Variants in SPATA13 observed in about 807,000 individuals in gnomAD.
The protein encoded by SPATA13 is spermatogenesis associated 13, also known as spermatogenesis-associated protein 13.
Under a neutral mutation model 104.0 loss-of-function variants are expected in SPATA13, and 50 were observed. The observed-to-expected ratio is 0.48, with a 90% CI of 0.38 to 0.61. The LOEUF is 0.61. Ranked by LOEUF, SPATA13 falls within the 20% of genes least tolerant of loss-of-function variation. The pLI is 0.00. For synonymous variants in SPATA13, 606 were observed against 667.5 expected, an observed-to-expected ratio of 0.91 and a Z score of 1.42; for missense variants, 1,524 against 1,690.6, an observed-to-expected ratio of 0.90 and a Z score of 1.73.
At chr13:23,997,647 C>G (rs777247803) in intron 2 of SPATA13, among the ~76,000 whole-genome samples, 5 of 152,104 alleles carry the variant, frequency 3.3e-5, no homozygotes, top group African/African-American at 4.8e-5. Context: ...ATCAGACCCG[C>G]ATCTGCTTCT....
intron 4 of SPATA13, among the ~76,000 whole-genome samples, chr13:24,261,185 G>A (rs1169288670): frequency 3.3e-5 from 5 of 152,300 alleles, no homozygotes; most frequent in South Asian, 4.1e-4. Flanking sequence ...TGGAGACCTC[G>A]GGAGTCTGTT....
At chr13:24,068,061 A>G (rs959849356) in intron 3 of SPATA13, among the ~76,000 whole-genome samples, 1 of 152,170 alleles carries the variant, frequency 6.6e-6, no homozygotes, top group Non-Finnish European at 1.5e-5. Flanking sequence ...TTAGATAGGT[A>G]AACTTGTATC....
intron 2 of SPATA13, among the ~76,000 whole-genome samples, chr13:23,998,520 C>T (rs558294566): frequency 6.6e-6 from 1 of 152,290 alleles, no homozygotes; most frequent in East Asian, 1.9e-4. Flanking sequence ...CTGACTGTGG[C>T]TTATCATTTA....
intron 4 of SPATA13, among the ~76,000 whole-genome samples, chr13:24,283,072 CTG>C (rs1875668351): frequency 6.6e-6 from 1 of 152,198 alleles, no homozygotes; most frequent in Non-Finnish European, 1.5e-5. Flanking sequence ...TGCAGGGAGT[CTG>C]TGGAGCATGT....
chr13:24,057,243 C>T (rs1248992772), intron 3 of SPATA13, among the ~76,000 whole-genome samples: 3 of 151,580 alleles, frequency 2.0e-5, no homozygotes, highest in Non-Finnish European at 2.9e-5. Context: ...CCCCCCAACC[C>T]CACAACAGTC....
At chr13:24,141,038 G>A (rs1881745618) in intron 3 of SPATA13, among the ~76,000 whole-genome samples, 1 of 152,064 alleles carries the variant, frequency 6.6e-6, no homozygotes, top group Non-Finnish European at 1.5e-5. Flanking sequence ...AGCCAGGCAT[G>A]GTAGCGAGCA....
At chr13:24,217,885 A>T (rs1267928732) in intron 1 of SPATA13, among the ~76,000 whole-genome samples, 1 of 152,134 alleles carries the variant, frequency 6.6e-6, no homozygotes, top group Non-Finnish European at 1.5e-5. Flanking sequence ...CCAACCCTCA[A>T]GTCACCTCCC....
At chr13:24,149,456 T>G (rs1383519706) in intron 3 of SPATA13, among the ~76,000 whole-genome samples, 1 of 152,202 alleles carries the variant, frequency 6.6e-6, no homozygotes, top group Middle Eastern at 3.2e-3. Context: ...GGACCTTCCC[T>G]TTCTGTTGGT....
chr13:24,294,187 C>T (rs73455745), intron 9 of SPATA13, among the ~76,000 whole-genome samples: 218 of 152,264 alleles, frequency 1.4e-3, no homozygotes, highest in African/African-American at 5.0e-3. Flanking sequence ...CTGTGGTGGA[C>T]GGAAAGCACC....
chr13:24,096,570 A>G (rs1880093060), intron 3 of SPATA13, among the ~76,000 whole-genome samples: 1 of 152,224 alleles, frequency 6.6e-6, no homozygotes, highest in Admixed American at 6.5e-5. Context: ...CAGCCTGGGC[A>G]GCAGAGTGAG....
chr13:24,074,944 G>T (rs1269134270), intron 3 of SPATA13, among the ~76,000 whole-genome samples: 2 of 131,062 alleles, frequency 1.5e-5, no homozygotes, highest in African/African-American at 5.7e-5. Flanking sequence ...ACAGTTGGCT[G>T]CCTGTGATTG....
At chr13:24,133,825 G>A (rs1246391313) in intron 3 of SPATA13, among the ~76,000 whole-genome samples, 1 of 152,176 alleles carries the variant, frequency 6.6e-6, no homozygotes, top group East Asian at 1.9e-4. Context: ...AGGGGCAAGG[G>A]GACAGGGCAA....
chr13:24,039,370 T>C (rs1566081961), intron 3 of SPATA13, among the ~76,000 whole-genome samples: 1 of 152,186 alleles, frequency 6.6e-6, no homozygotes, highest in Non-Finnish European at 1.5e-5. Context: ...ATGGACATGG[T>C]AGGGAGAGCC....
rs1176690279 is a variant in SPATA13, at chr13:24,190,260, C to T, written c.-112+29328C>T. Among the ~76,000 whole-genome samples the T allele has an allele frequency of 3.3e-3, 11 of 3,332 alleles. 2 individuals carry two copies. Among genetic ancestry groups the T allele is most frequent in the Non-Finnish European group, 0.022 (2 of 92 alleles). The allele number at this position is 3,332 out of a possible 152,430, so 2.2% of individuals were successfully genotyped here. A position where few individuals can be genotyped will look rare whatever the true frequency, so the allele number is the denominator to read the frequency against. ...TATATAACATATCATATATAATATA[C>T]ATAATATATATTATTATATATAATA... On this transcript the variant is annotated intron_variant, in intron 1 of 12. Transcript: ENST00000382108.
At chr13:24,135,336 C>T (rs962694709) in intron 3 of SPATA13, among the ~76,000 whole-genome samples, 21 of 152,074 alleles carry the variant, frequency 1.4e-4, no homozygotes, top group African/African-American at 4.8e-4. Flanking sequence ...AGCTGGGTAT[C>T]CTCTAAAATC....
intron 1 of SPATA13, among the ~76,000 whole-genome samples, chr13:24,201,587 C>T (rs773996735): frequency 1.3e-4 from 20 of 152,186 alleles, no homozygotes; most frequent in Non-Finnish European, 2.4e-4. Context: ...ATTACAGGTG[C>T]GTGCCACCAC....
intron 2 of SPATA13, among the ~76,000 whole-genome samples, chr13:24,243,825 G>A (rs775845103): frequency 6.6e-6 from 1 of 152,166 alleles, no homozygotes; most frequent in Non-Finnish European, 1.5e-5. Flanking sequence ...AGAAAACTGG[G>A]GGGTTAGCTT....
chr13:24,222,675 A>C (rs1014303514), intron 1 of SPATA13, 144 bp from the exon 2 acceptor site: 8 of 638,166 alleles, frequency 1.3e-5, no homozygotes, highest in Non-Finnish European at 2.1e-5. Context: ...TATGAAGTGA[A>C]TGGAGGGGAA....
At chr13:24,103,441 C>T (rs1168568664) in intron 3 of SPATA13, among the ~76,000 whole-genome samples, 1 of 129,980 alleles carries the variant, frequency 7.7e-6, no homozygotes, top group Non-Finnish European at 1.6e-5. Flanking sequence ...GCTGTGATTA[C>T]ACCACTGTAC....
Sources: allele counts gnomAD v4.1 joint callset (sites outside exome capture counted in the v4.1 genomes callset), GRCh38; gene constraint gnomAD v4.1.1; transcripts MANE v1.5; gene names NCBI Gene and HGNC (gene_info 2026-07-23, HGNC 2026-07-21).